The following TET2 variants were observed in gnomAD, a reference collection of about 807,000 sequenced individuals.
The protein encoded by TET2 is tet methylcytosine dioxygenase 2, also known as methylcytosine dioxygenase TET2.
TET2 carries 299 observed loss-of-function variants against 142.9 expected under a neutral mutation model. The observed-to-expected ratio is 2.09, with a 90% confidence interval of 1.90 to 2.30. TET2 has a LOEUF of 2.30. TET2 is among the 30% of genes most tolerant of loss of function. The probability of loss-of-function intolerance (pLI) is 0.00; values close to 1 mark genes in which losing one functional copy is unlikely to be tolerated. For synonymous variants in TET2, 819 were observed against 849.0 expected, an observed-to-expected ratio of 0.96 and a Z score of 0.61; for missense variants, 2,418 against 2,378.0, an observed-to-expected ratio of 1.02 and a Z score of -0.35.
intron 9 of TET2, 64 bp from the exon 10 acceptor site, chr4:105,272,500 C>A: frequency 9.2e-7 from 1 of 1,086,230 alleles, no homozygotes; most frequent in Non-Finnish European, 1.3e-6. Flanking sequence ...GAAAGATACA[C>A]ACACACACAC....
chr4:105,235,343 AC>A lies in TET2; in HGVS notation c.1402del (p.His468MetfsTer18). ...CTTCCCAGAGTCCTAATCCATCTAC[AC>A]ATGTATGCAGCCCTTCTCCGATGCT... ...PPSQSPNPST[H>X]VCSPSPMLSE... On this transcript the variant is annotated frameshift_variant, in exon 3 of 11. Transcript: ENST00000380013. LOFTEE classifies it high-confidence loss of function. 6.2e-7 allele frequency: 1 copy of A among 1,614,174 alleles called. No individual in the cohort carries two copies. Among genetic ancestry groups the A allele is most frequent in the East Asian group, 2.2e-5 (1 of 44,876 alleles).
intron 1 of TET2, among the ~76,000 whole-genome samples, chr4:105,164,308 T>C (rs1724039824): frequency 1.3e-5 from 2 of 152,392 alleles, no homozygotes; most frequent in East Asian, 1.9e-4. Flanking sequence ...TTTAGCATCC[T>C]GACTTTCCTT....
In TET2 at chr4:105,234,044, C is replaced by G; in HGVS notation, c.102C>G (p.Leu34=). The change falls in exon 3 of 11, where the codon CTC becomes CTG. Residue 34 remains leucine, a synonymous_variant. Transcript: ENST00000380013. ...ICQTEPLATK[L]QNGSPLPERA... ...AGACAGAACCTCTGGCTACAAAGCT[C>G]CAGAATGGAAGCCCACTGCCTGAGA... 1 of 1,614,072 alleles carries G rather than the reference C, an allele frequency of 6.2e-7. No homozygotes were observed. The highest frequency in any genetic ancestry group is 8.5e-7 in the Non-Finnish European group (1 of 1,180,012).
intron 2 of TET2, among the ~76,000 whole-genome samples, chr4:105,203,615 T>G (rs1202646267): frequency 2.0e-5 from 3 of 151,344 alleles, no homozygotes. Context: ...ATACATTACG[T>G]TTTGTATACC....
intron 2 of TET2, among the ~76,000 whole-genome samples, chr4:105,216,238 G>C (rs761978402): frequency 4.6e-5 from 7 of 152,050 alleles, no homozygotes; most frequent in Non-Finnish European, 7.4e-5. Context: ...TAAAACAAAA[G>C]GAATGTTTTA....
intron 1 of TET2, among the ~76,000 whole-genome samples, chr4:105,169,756 A>G (rs1459064169): frequency 2.0e-5 from 3 of 152,198 alleles, no homozygotes; most frequent in Admixed American, 6.5e-5. Flanking sequence ...TGATTTTTAT[A>G]TAAGGTGAGA....
intron 1 of TET2, among the ~76,000 whole-genome samples, chr4:105,162,457 GC>G (rs1401662049): frequency 6.6e-6 from 1 of 152,166 alleles, no homozygotes; most frequent in East Asian, 1.9e-4. Flanking sequence ...GCTTTTCCCT[GC>G]CCCACACTGT....
At chr4:105,266,851 G>T (rs1730703552) in intron 8 of TET2, among the ~76,000 whole-genome samples, 1 of 151,936 alleles carries the variant, frequency 6.6e-6, no homozygotes, top group Non-Finnish European at 1.5e-5. Flanking sequence ...ATTTTTTTCA[G>T]ATTTGTTCAA....
At chr4:105,219,765 A>G (rs1241259738) in intron 2 of TET2, among the ~76,000 whole-genome samples, 1 of 152,118 alleles carries the variant, frequency 6.6e-6, no homozygotes, top group African/African-American at 2.4e-5. Flanking sequence ...TGTTTATTAT[A>G]TAACTCGACT....
intron 6 of TET2, among the ~76,000 whole-genome samples, chr4:105,245,573 G>T (rs1260617656): frequency 6.6e-6 from 1 of 151,996 alleles, no homozygotes; most frequent in African/African-American, 2.4e-5. Context: ...CGGGTGATCC[G>T]CCCGCCTCGG....
chr4:105,163,854 A>AGAGAGAGAGAGAGTGT lies in TET2; in HGVS notation c.-193+16876_-193+16877insAGAGAGAGAGAGTGTG, dbSNP rs1553942671. On this transcript the variant is annotated intron_variant, in intron 1 of 10. Transcript: ENST00000380013. ...GAGAGAGAGAGAGAGAGAGAGAGAG[A>AGAGAGAGAGAGAGTGT]GTGTGTGTGTGTGTGTGTGTGTGTG... Among the ~76,000 whole-genome samples, 101 of 85,174 alleles carry AGAGAGAGAGAGAGTGT rather than the reference A, an allele frequency of 1.2e-3. 1 individual carries two copies. The highest frequency in any genetic ancestry group is 6.0e-3 in the Middle Eastern group (1 of 166). The allele number at this position is 85,174 out of a possible 152,430, so 55.9% of individuals were successfully genotyped here.
In TET2 at chr4:105,269,815, CA is replaced by C. The variant is rs1235937271; in HGVS notation, c.4182+70del. 2.0e-6 allele frequency: 3 copies of C among 1,484,074 alleles called. No individual in the cohort carries two copies. The African/African-American group carries it at 4.2e-5, about 21-fold the overall frequency. 91.9% of individuals were successfully genotyped at this position (1,484,074 alleles called of 1,614,324 possible). The stretch of plus-strand genomic sequence containing the variant: ...CTCACACTGCTAATAAAGACATATG[CA>C]AGACTGGGTAATTTATAAAGGAAAG... On this transcript the variant is annotated intron_variant, in intron 9 of 10. Coordinates refer to ENST00000380013, the MANE Select transcript of TET2 (RefSeq NM_001127208.3).
chr4:105,157,922 C>G (rs977744073), intron 1 of TET2, among the ~76,000 whole-genome samples: 2 of 152,250 alleles, frequency 1.3e-5, no homozygotes, highest in Admixed American at 1.3e-4. Flanking sequence ...AGTGATCCAC[C>G]CCCTTCTGCT....
At chr4:105,183,547 G>C (rs1725247548) in intron 1 of TET2, among the ~76,000 whole-genome samples, 1 of 152,004 alleles carries the variant, frequency 6.6e-6, no homozygotes, top group Admixed American at 6.6e-5. Context: ...CATCTTATAG[G>C]CTCTCTAGTC....
chr4:105,177,637 G>A (rs2110438093), intron 1 of TET2: 1 of 152,374 alleles, frequency 6.6e-6, no homozygotes, highest in South Asian at 2.1e-4. Flanking sequence ...CCAAGTGCTG[G>A]TGAGAATGTG....
At chr4:105,273,305 TGA>T (rs1731054925) in intron 10 of TET2, among the ~76,000 whole-genome samples, 1 of 152,226 alleles carries the variant, frequency 6.6e-6, no homozygotes, top group Non-Finnish European at 1.5e-5. Context: ...GAGATGGTAA[TGA>T]GATATTGCAC....
At chr4:105,257,682 T>C (rs1289412578) in intron 6 of TET2, among the ~76,000 whole-genome samples, 1 of 152,186 alleles carries the variant, frequency 6.6e-6, no homozygotes, top group Non-Finnish European at 1.5e-5. Context: ...GCTTTCTAAA[T>C]TCCCAGGAAT....
At chr4:105,248,285 A>G (rs761511250) in intron 6 of TET2, among the ~76,000 whole-genome samples, 2 of 152,126 alleles carry the variant, frequency 1.3e-5, no homozygotes, top group Non-Finnish European at 2.9e-5. Flanking sequence ...TCAAGTTGAC[A>G]GTTTTCTCTC....
intron 1 of TET2, among the ~76,000 whole-genome samples, chr4:105,161,857 TG>T (rs543234545): frequency 6.6e-6 from 1 of 152,352 alleles, no homozygotes; most frequent in South Asian, 2.1e-4. Flanking sequence ...AGATTGAATC[TG>T]ATGCATACCA....
Sources: allele counts gnomAD v4.1 joint callset (sites outside exome capture counted in the v4.1 genomes callset), GRCh38; gene constraint gnomAD v4.1.1; transcripts MANE v1.5; gene names NCBI Gene and HGNC (gene_info 2026-07-23, HGNC 2026-07-21).